Variants in GAREM1 observed in about 807,000 individuals in gnomAD.
GAREM1 encodes GRB2 associated regulator of MAPK1 subtype 1.
GAREM1 carries 26 observed loss-of-function variants against 71.3 expected under a neutral mutation model. The ratio of observed to expected loss-of-function variants is 0.36; its 90% CI spans 0.27 to 0.51. The LOEUF (loss-of-function observed/expected upper bound fraction) is 0.51. Ranked by LOEUF, GAREM1 falls within the 20% of genes least tolerant of loss-of-function variation. The pLI is 0.95. For synonymous variants in GAREM1, 440 were observed against 433.2 expected, an observed-to-expected ratio of 1.02 and a Z score of -0.20; for missense variants, 1,026 against 1,103.1, an observed-to-expected ratio of 0.93 and a Z score of 0.99.
At chr18:32,293,944 C>G (rs2047113750) in intron 3 of GAREM1, among the ~76,000 whole-genome samples, 1 of 152,056 alleles carries the variant, frequency 6.6e-6, no homozygotes, top group Non-Finnish European at 1.5e-5. Context: ...CTATAAAATA[C>G]CTGGTGTGTA....
At chr18:32,344,404 C>T (rs1261718725) in intron 2 of GAREM1, among the ~76,000 whole-genome samples, 1 of 152,142 alleles carries the variant, frequency 6.6e-6, no homozygotes, top group African/African-American at 2.4e-5. Context: ...CTGCTAAGAG[C>T]CAATGTGGAC....
intron 1 of GAREM1, among the ~76,000 whole-genome samples, chr18:32,460,754 A>G (rs532219143): frequency 1.3e-5 from 2 of 152,344 alleles, no homozygotes; most frequent in Admixed American, 1.3e-4. Context: ...TGGTAAGCTG[A>G]CTATGCCATC....
intron 2 of GAREM1, among the ~76,000 whole-genome samples, chr18:32,348,512 C>A (rs2047717459): frequency 6.6e-6 from 1 of 151,998 alleles, no homozygotes; most frequent in Non-Finnish European, 1.5e-5. Context: ...TCACTTGAGG[C>A]CAGGAGTTCG....
At chr18:32,364,004 A>ATGTT in intron 2 of GAREM1, among the ~76,000 whole-genome samples, 1 of 39,502 alleles carries the variant, frequency 2.5e-5, no homozygotes, top group African/African-American at 1.5e-4. Flanking sequence ...ACATATATAT[A>ATGTT]TATATATATA....
chr18:32,301,145 T>C (rs113759814), intron 3 of GAREM1, among the ~76,000 whole-genome samples: 3 of 152,198 alleles, frequency 2.0e-5, no homozygotes, highest in African/African-American at 7.2e-5. Context: ...ATTAATCATA[T>C]TAAACTTTAA....
chr18:32,322,042 T>C (rs1340220959), intron 2 of GAREM1, among the ~76,000 whole-genome samples: 3 of 152,192 alleles, frequency 2.0e-5, no homozygotes, highest in Non-Finnish European at 4.4e-5. Context: ...GGACTAGCTA[T>C]GGAAACAAAG....
chr18:32,351,528 C>T (rs573815906), intron 2 of GAREM1, among the ~76,000 whole-genome samples: 1 of 152,268 alleles, frequency 6.6e-6, no homozygotes, highest in African/African-American at 2.4e-5. Flanking sequence ...CACAGTTCAG[C>T]TAAGTTCCTG....
At chr18:32,465,780 CTT>C (rs2048993162) in intron 1 of GAREM1, among the ~76,000 whole-genome samples, 2 of 152,232 alleles carry the variant, frequency 1.3e-5, no homozygotes, top group Non-Finnish European at 2.9e-5. Flanking sequence ...CAAACGTACT[CTT>C]GTTTAAAAAT....
chr18:32,469,376 C>G (rs1568023933), intron 1 of GAREM1, among the ~76,000 whole-genome samples: 1 of 152,166 alleles, frequency 6.6e-6, no homozygotes, highest in Non-Finnish European at 1.5e-5. Context: ...AGCTGCCCCA[C>G]AGCAGGGCAG....
At chr18:32,364,035 T>TG (rs1456873096) in intron 2 of GAREM1, among the ~76,000 whole-genome samples, 8 of 93,128 alleles carry the variant, frequency 8.6e-5, no homozygotes, top group South Asian at 4.0e-4. Flanking sequence ...TATGTTTTTT[T>TG]TTTTTTTTTT....
At chr18:32,378,330 T>A (rs1268406270) in intron 2 of GAREM1, among the ~76,000 whole-genome samples, 2 of 151,596 alleles carry the variant, frequency 1.3e-5, no homozygotes, top group African/African-American at 2.4e-5. Context: ...TGAAATCCCA[T>A]CTCCATTAAA....
At chr18:32,338,795 T>A (rs921069911) in intron 2 of GAREM1, among the ~76,000 whole-genome samples, 1 of 152,216 alleles carries the variant, frequency 6.6e-6, no homozygotes, top group Non-Finnish European at 1.5e-5. Context: ...GTCAACTTGG[T>A]TTGATCACGG....
At chr18:32,339,475 T>C (rs1028055498) in intron 2 of GAREM1, among the ~76,000 whole-genome samples, 1 of 152,092 alleles carries the variant, frequency 6.6e-6, no homozygotes, top group African/African-American at 2.4e-5. Context: ...AGGCAGAAAA[T>C]GTGGAATCCT....
chr18:32,310,705 C>T (rs1159255518), intron 2 of GAREM1, among the ~76,000 whole-genome samples: 1 of 152,110 alleles, frequency 6.6e-6, no homozygotes, highest in Non-Finnish European at 1.5e-5. Flanking sequence ...ACGAACCACA[C>T]ATTTACATTC....
chr18:32,367,703 C>T (rs1031787150), intron 2 of GAREM1, among the ~76,000 whole-genome samples: 3 of 152,266 alleles, frequency 2.0e-5, no homozygotes, highest in Non-Finnish European at 4.4e-5. Context: ...ATGGCAGACA[C>T]GGTTCAGTCC....
At chr18:32,301,883 C>T (rs1245144318) in intron 3 of GAREM1, among the ~76,000 whole-genome samples, 2 of 152,156 alleles carry the variant, frequency 1.3e-5, no homozygotes, top group Non-Finnish European at 2.9e-5. Context: ...CCATACTTTA[C>T]TATTAATAAG....
intron 1 of GAREM1, among the ~76,000 whole-genome samples, chr18:32,425,906 A>G (rs2048569989): frequency 6.6e-6 from 1 of 152,162 alleles, no homozygotes; most frequent in African/African-American, 2.4e-5. Flanking sequence ...CTTCAAATTA[A>G]AGATTCACAA....
chr18:32,297,941 C>T (rs914797499), intron 3 of GAREM1, among the ~76,000 whole-genome samples: 2 of 152,172 alleles, frequency 1.3e-5, no homozygotes, highest in African/African-American at 2.4e-5. Flanking sequence ...TATAAACATA[C>T]ACCTTCCAGA....
intron 4 of GAREM1, among the ~76,000 whole-genome samples, chr18:32,281,416 A>C (rs1372427840): frequency 1.3e-5 from 2 of 152,176 alleles, no homozygotes; most frequent in African/African-American, 4.8e-5. Context: ...TGCTTCATTA[A>C]AGAAACTTTA....
Sources: gnomAD v4.1 joint callset for allele counts (sites outside exome capture counted in the v4.1 genomes callset) on GRCh38, gnomAD v4.1.1 for gene constraint, MANE v1.5 for transcripts, NCBI Gene and HGNC (gene_info 2026-07-23, HGNC 2026-07-21) for gene names.